CATSPERG: variants seen among roughly 807,000 people sequenced by gnomAD.
The protein encoded by CATSPERG is catsper channel auxiliary subunit gamma, also known as cation channel sperm-associated auxiliary subunit gamma.
Under a neutral mutation model 145.0 loss-of-function variants are expected in CATSPERG, and 115 were observed. The observed-to-expected ratio is 0.79, with a 90% CI of 0.68 to 0.93. The LOEUF (loss-of-function observed/expected upper bound fraction) is 0.93, where lower values mean the gene tolerates loss of function less well. Among genes scored for constraint, CATSPERG ranks in the 40% least tolerant of loss-of-function variants. The pLI is 0.00. For missense variants in CATSPERG, 1,296 were observed against 1,490.1 expected (o/e 0.87, Z 2.14); for synonymous variants, 588 against 589.0 (o/e 1.00, Z 0.02).
intron 6 of CATSPERG, 25 bp downstream of exon 6, chr19:38,344,393 A>C (rs967637113): frequency 3.2e-6 from 5 of 1,544,636 alleles, no homozygotes; most frequent in Non-Finnish European, 4.4e-6. Context: ...CAGGGGAAAA[A>C]GACAATGGTC....
chr19:38,345,892 G>T (rs796539517), intron 6 of CATSPERG, among the ~76,000 whole-genome samples: 50 of 152,238 alleles, frequency 3.3e-4, no homozygotes, highest in African/African-American at 1.1e-3. Flanking sequence ...AGCACACGTT[G>T]TTGCATCATG....
At position 38,362,707 on chromosome 19, in the gene CATSPERG, G is replaced by C; in HGVS notation, c.2357-7G>C. On this transcript the variant is annotated splice_polypyrimidine_tract_variant and splice_region_variant and intron_variant, in intron 19 of 28. Coordinates refer to ENST00000409235, the MANE Select transcript of CATSPERG (RefSeq NM_021185.5). ...GAGGCCTTAACCCCGTTTACTGCCC[G>C]GAGCAGGCACCGCCTTCCAGCTGCA... 1 of 1,613,800 alleles carries C rather than the reference G, an allele frequency of 6.2e-7. No individual in the cohort carries two copies.
chr19:38,344,923 T>TTTG (rs1970013859), intron 6 of CATSPERG, among the ~76,000 whole-genome samples: 1 of 131,290 alleles, frequency 7.6e-6, no homozygotes, highest in Non-Finnish European at 1.7e-5. Context: ...TTTTTTTTTT[T>TTTG]TGAGACGGGG....
intron 4 of CATSPERG, 109 bp downstream of exon 4, chr19:38,343,833 A>T: frequency 7.1e-7 from 1 of 1,412,734 alleles, no homozygotes; most frequent in Non-Finnish European, 9.5e-7. Flanking sequence ...GCGGGAGCTC[A>T]GCACATTCCA....
At chr19:38,367,981 C>A in intron 25 of CATSPERG, 67 bp from the exon 26 acceptor site, 1 of 1,448,384 alleles carries the variant, frequency 6.9e-7, no homozygotes, top group Non-Finnish European at 9.7e-7. Context: ...TCCACACTGA[C>A]CACTGAGGTC....
intron 14 of CATSPERG, 115 bp downstream of exon 14, chr19:38,359,696 C>T: frequency 1.4e-6 from 2 of 1,447,334 alleles, no homozygotes; most frequent in Non-Finnish European, 1.8e-6. Flanking sequence ...CTCGGGGACC[C>T]TGAGAAAGGG....
intron 9 of CATSPERG, among the ~76,000 whole-genome samples, chr19:38,355,645 C>A (rs1600467590): frequency 6.6e-6 from 1 of 151,962 alleles, no homozygotes; most frequent in African/African-American, 2.4e-5. Context: ...TGCAGTAAGC[C>A]AAGATCATGC....
At chr19:38,342,472 C>T (rs911376809) in intron 3 of CATSPERG, among the ~76,000 whole-genome samples, 13 of 151,516 alleles carry the variant, frequency 8.6e-5, no homozygotes, top group African/African-American at 2.4e-4. Context: ...TGGTGGTGCA[C>T]GTGTGTAGTC....
Position 38,337,288 on chromosome 19 carries a change from C to A in CATSPERG, c.54C>A (p.Val18=). The part of the protein sequence containing the change: ...PAGPPWPRVR[V]VQVLWALLAV... Reference sequence around the variant, plus strand: ...GTCCTCCGTGGCCCAGAGTCCGAGTCGTGCAGGTGCTGTGGGCCCTGCTGG... The same window carrying A: ...GTCCTCCGTGGCCCAGAGTCCGAGTAGTGCAGGTGCTGTGGGCCCTGCTGG... Residue 18 remains valine, a synonymous_variant, in exon 2 of 29, where the codon GTC becomes GTA. Transcript: ENST00000409235. 1 of 1,551,504 alleles carries A rather than the reference C, an allele frequency of 6.4e-7. No individual in the cohort carries two copies. The highest frequency in any genetic ancestry group is 2.4e-5 in the East Asian group (1 of 40,924).
intron 7 of CATSPERG, among the ~76,000 whole-genome samples, chr19:38,351,015 C>A (rs778796285): frequency 5.9e-5 from 9 of 151,964 alleles, no homozygotes; most frequent in Non-Finnish European, 1.2e-4. Flanking sequence ...AAAAATGGTC[C>A]TGTTTTCTGG....
chr19:38,370,820 A>T lies in CATSPERG; in HGVS notation c.*28A>T. ...GTCCCACCTGCCCCAGCCCCCAGTT[A>T]CTGTCACGCCTCTCTTATGAGGCCC... On this transcript the variant is annotated 3_prime_UTR_variant, in exon 29 of 29. Coordinates refer to ENST00000409235, the MANE Select transcript of CATSPERG (RefSeq NM_021185.5). The T allele has an allele frequency of 1.9e-6, 3 of 1,606,800 alleles. No homozygotes were observed. The South Asian group carries it at 3.3e-5, about 18-fold the overall frequency.
chr19:38,369,285 G>C (rs1970506727), intron 26 of CATSPERG, among the ~76,000 whole-genome samples: 1 of 152,048 alleles, frequency 6.6e-6, no homozygotes, highest in African/African-American at 2.4e-5. Context: ...TTTTGAGACA[G>C]AGTCTTGCTC....
chr19:38,358,673 A>AC (rs1970290665), intron 13 of CATSPERG, 112 bp downstream of exon 13: 1 of 1,333,630 alleles, frequency 7.5e-7, no homozygotes, highest in African/African-American at 1.4e-5. Context: ...CCTTCAAAGG[A>AC]TGCACAAATC....
chr19:38,362,723 T>A lies in CATSPERG; in HGVS notation c.2366T>A (p.Phe789Tyr). The A allele has an allele frequency of 6.2e-7, 1 of 1,614,086 alleles. No homozygotes were observed. The highest frequency in any genetic ancestry group is 8.5e-7 in the Non-Finnish European group (1 of 1,179,996). ...TTACTGCCCGGAGCAGGCACCGCCTTCCAGCTGCATAGCCAGGTGGACGTG... is the reference window on the plus strand; with the variant it reads ...TTACTGCCCGGAGCAGGCACCGCCTACCAGCTGCATAGCCAGGTGGACGTG... ...FRTQSELGTA[F>Y]QLHSQVDVGV... is the part of the protein sequence containing the mutation. Residue 789 changes from phenylalanine (F) to tyrosine (Y), a missense_variant, in exon 20 of 29, where the codon TTC becomes TAC. By Grantham distance (22) the Phe-to-Tyr change is conservative. Coordinates refer to ENST00000409235, the MANE Select transcript of CATSPERG (RefSeq NM_021185.5).
chr19:38,336,104 CAG>C (rs1969829861), intron 1 of CATSPERG: 1 of 425,038 alleles, frequency 2.4e-6, no homozygotes, highest in African/African-American at 2.1e-5. Flanking sequence ...CGGGGCGGGG[CAG>C]GAGAGTCGGG....
At chr19:38,357,455 T>A (rs1600470329) in intron 11 of CATSPERG, among the ~76,000 whole-genome samples, 1 of 142,580 alleles carries the variant, frequency 7.0e-6, no homozygotes, top group South Asian at 2.3e-4. Flanking sequence ...GCCCAGGAGG[T>A]TGAGGCTACA....
At chr19:38,357,515 CAAAA>C (rs3033507) in intron 11 of CATSPERG, among the ~76,000 whole-genome samples, 1 of 134,132 alleles carries the variant, frequency 7.5e-6, no homozygotes. Flanking sequence ...GACCCGGTCT[CAAAA>C]AAAAAAAAAG....
intron 11 of CATSPERG, 36 bp downstream of exon 11, chr19:38,356,897 G>A (rs1264069249): frequency 9.3e-6 from 15 of 1,610,762 alleles, no homozygotes; most frequent in Non-Finnish European, 1.3e-5. Context: ...GGCACAAAGG[G>A]GCAGGATCCC....
At chr19:38,352,721 G>A (rs112873450) in intron 8 of CATSPERG, among the ~76,000 whole-genome samples, 101 of 150,832 alleles carry the variant, frequency 6.7e-4, no homozygotes, top group Admixed American at 1.6e-3. Context: ...AGACCCACGC[G>A]TGTGCCCACA....
Sources: gnomAD v4.1 joint callset for allele counts (sites outside exome capture counted in the v4.1 genomes callset) on GRCh38, gnomAD v4.1.1 for gene constraint, MANE v1.5 for transcripts, NCBI Gene and HGNC (gene_info 2026-07-23, HGNC 2026-07-21) for gene names.